The following OOSP4B variants were observed in gnomAD, a reference collection of about 807,000 sequenced individuals.
OOSP4B encodes oocyte secreted protein family member 4B.
chr11:60,017,907 G>C (rs1440341462), intron 1 of OOSP4B, among the ~76,000 whole-genome samples: 1 of 152,136 alleles, frequency 6.6e-6, no homozygotes, highest in Non-Finnish European at 1.5e-5. Context: ...ATTTGGATGA[G>C]TTCTAATTGC....
intron 2 of OOSP4B, among the ~76,000 whole-genome samples, chr11:60,024,455 A>T (rs1854725004): frequency 1.3e-5 from 2 of 152,136 alleles, no homozygotes; most frequent in African/African-American, 4.8e-5. Flanking sequence ...CAGGAGAATC[A>T]CTTGAACCTG....
At chr11:60,028,606 C>T (rs2134629405) in intron 3 of OOSP4B, among the ~76,000 whole-genome samples, 1 of 152,146 alleles carries the variant, frequency 6.6e-6, no homozygotes, top group Admixed American at 6.5e-5. Flanking sequence ...TTCTTCCTTC[C>T]CTTCTTTCCA....
rs79658605 is a variant in OOSP4B at position 60,025,467 on chromosome 11, G to A, written c.302+462G>A. Among the ~76,000 whole-genome samples the A allele has an allele frequency of 6.2e-3, 947 of 152,254 alleles. 8 individuals carry two copies. The highest frequency in any genetic ancestry group is 9.1e-3 in the Non-Finnish European group (621 of 68,002). ...CTGCAGAAAGTGGATCTTCCCAGTT[G>A]GTTCCTGCAGCCACACCTCACTGTT... On this transcript the variant is annotated intron_variant, in intron 3 of 4. Transcript: ENST00000642343.
At chr11:60,026,605 G>T (rs1854748294) in intron 3 of OOSP4B, among the ~76,000 whole-genome samples, 1 of 152,124 alleles carries the variant, frequency 6.6e-6, no homozygotes, top group South Asian at 2.1e-4. Flanking sequence ...GGGTGGAAAA[G>T]GTCAGACAAA....
chr11:60,023,219 G>A (rs1407585135), intron 1 of OOSP4B, among the ~76,000 whole-genome samples: 2 of 152,166 alleles, frequency 1.3e-5, no homozygotes, highest in African/African-American at 2.4e-5. Context: ...AAAGTACAGA[G>A]TAGCACAGCA....
chr11:60,029,705 T>C (rs1242411772), intron 3 of OOSP4B, 77 bp from the exon 4 acceptor site: 4 of 397,110 alleles, frequency 1.0e-5, no homozygotes, highest in Non-Finnish European at 1.8e-5. Flanking sequence ...AACGAACCTA[T>C]CTAATACATA....
chr11:60,029,866 A>G (rs902226623), exon 4 of OOSP4B: 5 of 398,390 alleles, frequency 1.3e-5, no homozygotes, highest in Non-Finnish European at 2.2e-5. Context: ...AAACAAAAGG[A>G]CAAGAGTCAC....
At chr11:60,020,550 G>A (rs891714983) in intron 1 of OOSP4B, among the ~76,000 whole-genome samples, 2 of 152,212 alleles carry the variant, frequency 1.3e-5, no homozygotes, top group East Asian at 1.9e-4. Flanking sequence ...CAGAACTTGC[G>A]CTGGCCTGCA....
intron 3 of OOSP4B, among the ~76,000 whole-genome samples, chr11:60,029,147 C>T (rs1444537308): frequency 6.6e-6 from 1 of 152,150 alleles, no homozygotes. Flanking sequence ...TTTTAGCCTC[C>T]CTTTACACAT....
rs551638478 is a variant in OOSP4B at position 60,019,236 on chromosome 11, A to G, written c.22+1823A>G. ...AGACTCTTTCTCAGAAAAAAAATAA[A>G]AAAAAATAACCTAGTGCCTGTAATC... On this transcript the variant is annotated intron_variant, in intron 1 of 4. Transcript: ENST00000642343. Among the ~76,000 whole-genome samples the G allele has an allele frequency of 7.2e-5, 11 of 152,026 alleles. No homozygotes were observed. The South Asian group carries it at 2.1e-3, about 29-fold the overall frequency.
At chr11:60,025,210 C>A in intron 3 of OOSP4B, among the ~76,000 whole-genome samples, 1 of 152,144 alleles carries the variant, frequency 6.6e-6, no homozygotes, top group East Asian at 1.9e-4. Flanking sequence ...TTTTGCTAAA[C>A]TTTGTTACAC....
chr11:60,026,632 A>T (rs1854748720), intron 3 of OOSP4B, among the ~76,000 whole-genome samples: 1 of 152,220 alleles, frequency 6.6e-6, no homozygotes, highest in African/African-American at 2.4e-5. Context: ...GCACCCTGCA[A>T]GGAATGACTT....
At chr11:60,021,132 A>G (rs1312900154) in intron 1 of OOSP4B, among the ~76,000 whole-genome samples, 1 of 152,170 alleles carries the variant, frequency 6.6e-6, no homozygotes, top group African/African-American at 2.4e-5. Context: ...TATTATATTC[A>G]GTGGTCATCT....
At chr11:60,025,928 A>G (rs907938327) in intron 3 of OOSP4B, among the ~76,000 whole-genome samples, 1 of 152,152 alleles carries the variant, frequency 6.6e-6, no homozygotes, top group Non-Finnish European at 1.5e-5. Context: ...GAATAGGTGC[A>G]TAGTCATATT....
chr11:60,019,251 T>A (rs1854661132), intron 1 of OOSP4B, among the ~76,000 whole-genome samples: 3 of 151,966 alleles, frequency 2.0e-5, no homozygotes, highest in Admixed American at 2.0e-4. Context: ...AATAACCTAG[T>A]GCCTGTAATC....
In OOSP4B at chr11:60,024,977, GA is replaced by G. The variant is rs1854732770; in HGVS notation, c.276del (p.Glu92AspfsTer8). ...CAAACCAAGGTTGCATACTACCTAT[GA>G]ATTTCCAGTGGTTTGCTTTGTGAAG... On this transcript the variant is annotated frameshift_variant, in exon 3 of 5. Transcript: ENST00000642343. LOFTEE classifies it high-confidence loss of function. The G allele has an allele frequency of 1.5e-5, 6 of 398,184 alleles. No homozygotes were observed. Among genetic ancestry groups the G allele is most frequent in the Non-Finnish European group, 2.2e-5 (5 of 225,956 alleles). The allele number at this position is 398,184 out of a possible 1,614,324, so 24.7% of individuals were successfully genotyped here. A position where few individuals can be genotyped will look rare whatever the true frequency, so the allele number is the denominator to read the frequency against.
intron 1 of OOSP4B, among the ~76,000 whole-genome samples, chr11:60,018,266 A>G (rs1854646274): frequency 6.6e-6 from 1 of 152,106 alleles, no homozygotes. Flanking sequence ...TTCCACCTTT[A>G]CATTAGAATA....
At chr11:60,022,006 A>AG (rs1854695859) in intron 1 of OOSP4B, 2 of 146,942 alleles carry the variant, frequency 1.4e-5, no homozygotes, top group African/African-American at 5.1e-5. Flanking sequence ...AAAAAAAAAA[A>AG]GAATGTGGTG....
chr11:60,023,797 A>C, intron 1 of OOSP4B, 83 bp from the exon 2 acceptor site: 1 of 397,428 alleles, frequency 2.5e-6, no homozygotes, highest in Non-Finnish European at 4.4e-6. Context: ...AGCTTGTGTT[A>C]TATTTGTCTG....
Sources: gnomAD v4.1 joint callset for allele counts (sites outside exome capture counted in the v4.1 genomes callset) on GRCh38, gnomAD v4.1.1 for gene constraint, MANE v1.5 for transcripts, NCBI Gene and HGNC (gene_info 2026-07-23, HGNC 2026-07-21) for gene names.